The following UXS1 variants were observed in gnomAD, a reference collection of about 807,000 sequenced individuals.
The protein encoded by UXS1 is UDP-glucuronic acid decarboxylase 1.
Under a neutral mutation model 62.6 loss-of-function variants are expected in UXS1, and 33 were observed. The ratio of observed to expected loss-of-function variants is 0.53; its 90% CI spans 0.40 to 0.70. UXS1 has a LOEUF of 0.70. Among genes scored for constraint, UXS1 ranks in the 30% least tolerant of loss-of-function variants. The pLI is 0.00. For missense variants in UXS1, 434 were observed against 556.3 expected (o/e 0.78, Z 2.21); for synonymous variants, 213 against 206.8 (o/e 1.03, Z -0.26).
intron 1 of UXS1, among the ~76,000 whole-genome samples, chr2:106,187,981 A>G (rs1417740188): frequency 6.6e-6 from 1 of 152,198 alleles, no homozygotes; most frequent in Admixed American, 6.5e-5. Context: ...ATCTCAGGTG[A>G]TCCACCTGCC....
intron 11 of UXS1, among the ~76,000 whole-genome samples, chr2:106,103,999 G>T (rs968982403): frequency 6.6e-6 from 1 of 152,190 alleles, no homozygotes; most frequent in African/African-American, 2.4e-5. Flanking sequence ...TCACCCTAGT[G>T]CCCCTGGGAT....
intron 1 of UXS1, among the ~76,000 whole-genome samples, chr2:106,172,455 C>T (rs1200378743): frequency 3.3e-5 from 5 of 152,172 alleles, no homozygotes; most frequent in Non-Finnish European, 5.9e-5. Flanking sequence ...ATTATTTAAA[C>T]ATTTATTTGA....
intron 1 of UXS1, among the ~76,000 whole-genome samples, chr2:106,171,409 C>A: frequency 6.6e-6 from 1 of 152,190 alleles, no homozygotes; most frequent in East Asian, 1.9e-4. Flanking sequence ...CTCCATGGAT[C>A]CCTGAATGGG....
chr2:106,125,754 C>A, intron 7 of UXS1, 75 bp from the exon 8 acceptor site: 3 of 1,339,374 alleles, frequency 2.2e-6, no homozygotes, highest in South Asian at 1.4e-5. Flanking sequence ...CCAATTTAAG[C>A]AATGTTTTAG....
At chr2:106,149,330 T>C (rs1268107869) in intron 5 of UXS1, among the ~76,000 whole-genome samples, 1 of 152,262 alleles carries the variant, frequency 6.6e-6, no homozygotes, top group East Asian at 1.9e-4. Context: ...GTAACAGTGC[T>C]GCTGTGCTTT....
At chr2:106,095,622 G>T (rs940611672) in intron 14 of UXS1, among the ~76,000 whole-genome samples, 1 of 152,236 alleles carries the variant, frequency 6.6e-6, no homozygotes, top group African/African-American at 2.4e-5. Flanking sequence ...TGTGTGTCAG[G>T]TCTGACAGGT....
intron 5 of UXS1, among the ~76,000 whole-genome samples, chr2:106,149,643 T>C (rs1391785881): frequency 1.3e-5 from 2 of 152,084 alleles, no homozygotes; most frequent in African/African-American, 4.8e-5. Flanking sequence ...TTGTTATAAA[T>C]TACCCAGTCT....
chr2:106,187,923 C>T (rs1025941532), intron 1 of UXS1, among the ~76,000 whole-genome samples: 8 of 151,788 alleles, frequency 5.3e-5, no homozygotes, highest in African/African-American at 1.9e-4. Context: ...TGTATTTTTA[C>T]TAGAGACGGG....
intron 1 of UXS1, among the ~76,000 whole-genome samples, chr2:106,182,887 A>G (rs1195276276): frequency 6.6e-6 from 1 of 152,212 alleles, no homozygotes; most frequent in Non-Finnish European, 1.5e-5. Context: ...CCGTTGGGAT[A>G]GTGGGGTCCT....
In UXS1 at chr2:106,129,847, T is replaced by C. The variant is rs2104947996; in HGVS notation, c.473-69A>G. ...AAAAAAATACTGACCTCCTAGGATA[T>C]ATACTGTATAATAAACGTATTAGTA... On this transcript the variant is annotated intron_variant, in intron 6 of 14. Coordinates refer to ENST00000283148, the MANE Select transcript of UXS1 (RefSeq NM_001253875.2). 3.2e-6 allele frequency: 3 copies of C among 923,986 alleles called. No homozygotes were observed. The African/African-American group carries it at 5.1e-5, about 16-fold the overall frequency. 57.2% of individuals were successfully genotyped at this position (923,986 alleles called of 1,614,324 possible).
intron 1 of UXS1, among the ~76,000 whole-genome samples, chr2:106,177,200 C>CTTTTTTTTTT (rs5833174): frequency 2.2e-5 from 3 of 134,670 alleles, no homozygotes; most frequent in African/African-American, 2.8e-5. Flanking sequence ...TTTCTTTTTT[C>CTTTTTTTTTT]TTTTTTTTTT....
chr2:106,166,093 AAAG>A lies in UXS1; in HGVS notation c.95-13_95-11del. The stretch of plus-strand genomic sequence containing the variant: ...AAGTTGCCCCAAACAGCTGTAAGAG[AAAG>A]AAAAAAGGAAGTCAATGTTTAAGTC... On this transcript the variant is annotated splice_polypyrimidine_tract_variant and intron_variant, in intron 1 of 14. Transcript: ENST00000283148. The A allele has an allele frequency of 6.2e-7, 1 of 1,610,252 alleles. No individual in the cohort carries two copies. The highest frequency in any genetic ancestry group is 1.7e-4 in the Middle Eastern group (1 of 6,048).
chr2:106,165,258 T>C (rs1038520245), intron 2 of UXS1, among the ~76,000 whole-genome samples: 6 of 152,166 alleles, frequency 3.9e-5, no homozygotes, highest in Admixed American at 2.0e-4. Context: ...ACACATGCCC[T>C]GGTGGTAGGA....
At chr2:106,106,247 C>A (rs1448080756) in intron 10 of UXS1, among the ~76,000 whole-genome samples, 3 of 151,560 alleles carry the variant, frequency 2.0e-5, no homozygotes, top group Non-Finnish European at 4.4e-5. Context: ...GCCTGTAATC[C>A]CAGCTACTAG....
At chr2:106,166,754 C>G (rs1185881661) in intron 1 of UXS1, among the ~76,000 whole-genome samples, 2 of 135,080 alleles carry the variant, frequency 1.5e-5, no homozygotes, top group African/African-American at 5.5e-5. Flanking sequence ...CCAGTCTGGT[C>G]TCTAGTGATC....
chr2:106,173,068 C>T (rs893849114), intron 1 of UXS1, among the ~76,000 whole-genome samples: 1 of 152,188 alleles, frequency 6.6e-6, no homozygotes, highest in African/African-American at 2.4e-5. Context: ...AGCTAATATA[C>T]CTATTTATAT....
chr2:106,188,235 G>A (rs961783445), intron 1 of UXS1, among the ~76,000 whole-genome samples: 2 of 152,004 alleles, frequency 1.3e-5, no homozygotes, highest in African/African-American at 4.8e-5. Context: ...ATCAATCCAC[G>A]TGGACAGGGA....
chr2:106,147,034 T>C (rs932624912), intron 5 of UXS1, among the ~76,000 whole-genome samples: 28 of 152,002 alleles, frequency 1.8e-4, no homozygotes, highest in East Asian at 3.9e-4. Context: ...CCAGCTACTA[T>C]GGTGGCTGAA....
chr2:106,186,457 T>TATATATACACACAC (rs375660148), intron 1 of UXS1, among the ~76,000 whole-genome samples: 2 of 148,800 alleles, frequency 1.3e-5, no homozygotes, highest in African/African-American at 5.0e-5. Flanking sequence ...TATATATATA[T>TATATATACACACAC]ACACACACAC....
Sources: gnomAD v4.1 joint callset for allele counts (sites outside exome capture counted in the v4.1 genomes callset) on GRCh38, gnomAD v4.1.1 for gene constraint, MANE v1.5 for transcripts, NCBI Gene and HGNC (gene_info 2026-07-23, HGNC 2026-07-21) for gene names.